The following FAAH2 variants were observed in gnomAD, a reference collection of about 807,000 sequenced individuals.
The protein encoded by FAAH2 is fatty-acid amide hydrolase 2.
Under a neutral mutation model 36.9 loss-of-function variants are expected in FAAH2, and 60 were observed. The observed-to-expected ratio is 1.63, with a 90% confidence interval of 1.32 to 2.02. The LOEUF (loss-of-function observed/expected upper bound fraction) is 2.02, where lower values mean the gene tolerates loss of function less well. Ranked by LOEUF, FAAH2 falls within the 30% of genes most tolerant of loss-of-function variation. The pLI is 0.00. For missense variants in FAAH2, 689 were observed against 397.5 expected (o/e 1.73, Z -6.23); for synonymous variants, 214 against 143.8 (o/e 1.49, Z -3.49).
Position 57,378,671 on chromosome X carries a change from C to A in FAAH2, c.763C>A (p.Gln255Lys). ...PSPGVVPNKG[Q>K]FPLAVGAQEL... ...TTCAGGTGTGGTTCCCAACAAAGGTCAGTTTCCCTTGGCTGTGGGAGCCCA... is the reference window on the plus strand; with the variant it reads ...TTCAGGTGTGGTTCCCAACAAAGGTAAGTTTCCCTTGGCTGTGGGAGCCCA... The change falls in exon 6 of 11, where the codon CAG becomes AAG. Residue 255 changes from glutamine to lysine, a missense_variant. By Grantham distance (53) the Gln-to-Lys change is moderately conservative. Coordinates refer to ENST00000374900, the MANE Select transcript of FAAH2 (RefSeq NM_174912.4). 1 of 1,211,246 alleles carries A rather than the reference C, an allele frequency of 8.3e-7. No individual in the cohort carries two copies. Among genetic ancestry groups the A allele is most frequent in the South Asian group, 1.8e-5 (1 of 56,968 alleles).
chrX:57,157,836 C>G, the FAAH2 span, among the ~76,000 whole-genome samples: 11 of 110,334 alleles, frequency 1.0e-4, no homozygotes, highest in African/African-American at 3.6e-4. Context: ...TATTTTTTCT[C>G]TTGAACTTCT....
intron 7 of FAAH2, among the ~76,000 whole-genome samples, chrX:57,410,280 C>G (rs950644773): frequency 3.6e-5 from 4 of 111,339 alleles, no homozygotes; most frequent in African/African-American, 1.3e-4. Flanking sequence ...TGTGGCCTAA[C>G]AAATTGTCTG....
intron 10 of FAAH2, 111 bp downstream of exon 10, chrX:57,448,829 TA>T (rs1327658979): frequency 1.4e-6 from 1 of 723,361 alleles, no homozygotes; most frequent in Non-Finnish European, 2.1e-6. Context: ...CATGCAGGTA[TA>T]AAAGTGCTGT....
the FAAH2 span, among the ~76,000 whole-genome samples, chrX:57,195,401 T>C: frequency 6.2e-5 from 7 of 112,336 alleles, no homozygotes; most frequent in African/African-American, 1.6e-4. Flanking sequence ...CATTTGTCTG[T>C]CTTCTTTTGA....
the FAAH2 span, among the ~76,000 whole-genome samples, chrX:57,198,604 T>A: frequency 1.8e-5 from 2 of 112,441 alleles, no homozygotes; most frequent in Non-Finnish European, 1.9e-5. Context: ...TACCCCTGGA[T>A]TTTACCCAGG....
At chrX:57,310,767 C>T in intron 3 of FAAH2, 38 bp downstream of exon 3, 1 of 1,148,129 alleles carries the variant, frequency 8.7e-7, no homozygotes, top group South Asian at 2.2e-5. Flanking sequence ...GAGTTTAATT[C>T]ACAAGTTGCT....
intron 1 of FAAH2, among the ~76,000 whole-genome samples, chrX:57,287,908 TTAA>T (rs2051854248): frequency 9.0e-6 from 1 of 111,398 alleles, no homozygotes; most frequent in Non-Finnish European, 1.9e-5. Context: ...GTATGAATTA[TTAA>T]TATTTGTATT....
At chrX:57,170,881 T>A in the FAAH2 span, among the ~76,000 whole-genome samples, 1 of 109,362 alleles carries the variant, frequency 9.1e-6, no homozygotes, top group Non-Finnish European at 1.9e-5. Flanking sequence ...TTTTTTTTTT[T>A]ATATTTTTAG....
chrX:57,233,860 G>T, the FAAH2 span, among the ~76,000 whole-genome samples: 1 of 112,386 alleles, frequency 8.9e-6, no homozygotes, highest in Non-Finnish European at 1.9e-5. Context: ...GGCCAGGCTG[G>T]TCTCTGAATT....
intron 7 of FAAH2, chrX:57,393,633 G>T: frequency 1.1e-6 from 1 of 935,926 alleles, no homozygotes; most frequent in South Asian, 2.0e-5. Flanking sequence ...CTCACCCCCA[G>T]ATCTTCAGCA....
chrX:57,341,210 G>T, intron 4 of FAAH2, 61 bp from the exon 5 acceptor site: 2 of 1,102,971 alleles, frequency 1.8e-6, no homozygotes, highest in South Asian at 2.4e-5. Flanking sequence ...GATGGAAAAA[G>T]ATATTCCATG....
At chrX:57,371,039 A>G (rs1291785248) in intron 5 of FAAH2, among the ~76,000 whole-genome samples, 1 of 112,358 alleles carries the variant, frequency 8.9e-6, no homozygotes, top group African/African-American at 3.2e-5. Context: ...AAGTTACTCC[A>G]GGATACATCA....
the FAAH2 span, among the ~76,000 whole-genome samples, chrX:57,227,211 T>C: frequency 9.1e-6 from 1 of 109,812 alleles, no homozygotes; most frequent in African/African-American, 3.3e-5. Context: ...GGTCGGGGGG[T>C]GTTGAGGAGC....
the FAAH2 span, among the ~76,000 whole-genome samples, chrX:57,237,141 G>A: frequency 6.3e-5 from 7 of 111,284 alleles, no homozygotes; most frequent in African/African-American, 2.3e-4. Context: ...GTTTTTGGCA[G>A]CTTTGTCAAA....
At chrX:57,454,199 C>G (rs1228444726) in intron 10 of FAAH2, among the ~76,000 whole-genome samples, 1 of 111,900 alleles carries the variant, frequency 8.9e-6, no homozygotes, top group Non-Finnish European at 1.9e-5. Flanking sequence ...AAAATGCAAA[C>G]CTAAAATATT....
the FAAH2 span, among the ~76,000 whole-genome samples, chrX:57,158,117 C>T: frequency 3.6e-5 from 4 of 111,135 alleles, no homozygotes; most frequent in East Asian, 5.6e-4. Flanking sequence ...TCTGTCCCTG[C>T]GATAGTTTGC....
At chrX:57,345,875 G>A (rs752483744) in intron 5 of FAAH2, among the ~76,000 whole-genome samples, 1 of 110,338 alleles carries the variant, frequency 9.1e-6, no homozygotes, top group Admixed American at 9.7e-5. Context: ...TAATTTCATC[G>A]TTCACCCAAA....
chrX:57,384,264 G>A (rs1288503844), intron 7 of FAAH2, among the ~76,000 whole-genome samples: 1 of 106,766 alleles, frequency 9.4e-6, no homozygotes, highest in Non-Finnish European at 2.0e-5. Flanking sequence ...ATAGGCATGG[G>A]CAAGAACTTC....
At chrX:57,216,549 T>TGTATATATATATATACGTA in the FAAH2 span, among the ~76,000 whole-genome samples, 1 of 52,342 alleles carries the variant, frequency 1.9e-5, no homozygotes, top group Admixed American at 2.3e-4. Flanking sequence ...TATACGTATA[T>TGTATATATATATATACGTA]GTATATATAT....
Sources: allele counts gnomAD v4.1 joint callset (sites outside exome capture counted in the v4.1 genomes callset), GRCh38; gene constraint gnomAD v4.1.1; transcripts MANE v1.5; gene names NCBI Gene and HGNC (gene_info 2026-07-23, HGNC 2026-07-21).